Variants in MPND observed in about 807,000 individuals in gnomAD.
MPND encodes the protein MPN domain-containing protein.
Under a neutral mutation model 59.2 loss-of-function variants are expected in MPND, and 56 were observed. The ratio of observed to expected loss-of-function variants is 0.95; its 90% CI spans 0.76 to 1.18. The LOEUF (loss-of-function observed/expected upper bound fraction) is 1.18. Ranked by LOEUF, MPND falls within the 50% of genes most tolerant of loss-of-function variation. The pLI is 0.00. For missense variants in MPND, 671 were observed against 676.0 expected (o/e 0.99, Z 0.08); for synonymous variants, 323 against 291.9 (o/e 1.11, Z -1.09).
Position 4,357,247 on chromosome 19 carries a change from C to A in MPND, c.997-6C>A. The A allele has an allele frequency of 6.3e-7, 1 of 1,588,570 alleles. No individual in the cohort carries two copies. On this transcript the variant is annotated splice_polypyrimidine_tract_variant and splice_region_variant and intron_variant, in intron 8 of 12. Transcript: ENST00000599840. ...TGTGCCCGCTGAGCTGCGCCTCTGT[C>A]CCCAGATCTACCAGAGCCTGTTCCT...
intron 11 of MPND, chr19:4,358,477 G>C (rs1236607682): frequency 1.1e-5 from 4 of 380,700 alleles, no homozygotes; most frequent in Non-Finnish European, 1.9e-5. Context: ...AAAATTGTGT[G>C]TTCAACATGC....
At position 4,344,735 on chromosome 19, in the gene MPND, C is replaced by CTT. The variant is rs369442146; in HGVS notation, c.294+761_294+762dup. ...ACTTTATCTGTGGTAGGTATTAGTA[C>CTT]TTTTTTTTTTTTTTTTTTTTTGAGA... On this transcript the variant is annotated intron_variant, in intron 2 of 12. Transcript: ENST00000599840. Among the ~76,000 whole-genome samples, 58 of 126,954 alleles carry CTT rather than the reference C, an allele frequency of 4.6e-4. 1 individual carries two copies. Among genetic ancestry groups the CTT allele is most frequent in the African/African-American group, 7.0e-4 (23 of 33,036 alleles). The allele number at this position is 126,954 out of a possible 152,430, so 83.3% of individuals were successfully genotyped here.
In MPND at chr19:4,355,849, C is replaced by T. The variant is rs553410069; in HGVS notation, c.996+676C>T. ...CTGGGATTACAGGTGTGAGCCACTG[C>T]GCCCGGCCTTTTTTTTTTTTTTCTT... On this transcript the variant is annotated intron_variant, in intron 8 of 12. Transcript: ENST00000599840. Among the ~76,000 whole-genome samples the T allele has an allele frequency of 2.3e-4, 30 of 132,162 alleles. No individual in the cohort carries two copies. The East Asian group carries it at 3.8e-3, about 17-fold the overall frequency. The allele number at this position is 132,162 out of a possible 152,430, so 86.7% of individuals were successfully genotyped here.
intron 11 of MPND, 113 bp from the exon 12 acceptor site, chr19:4,359,050 T>G (rs539376262): frequency 1.2e-5 from 8 of 685,144 alleles, no homozygotes; most frequent in South Asian, 6.5e-5. Context: ...GTGGTTGGTT[T>G]GTTAGTGATG....
At position 4,343,851 on chromosome 19, in the gene MPND, G is replaced by A. The variant is rs1232664259; in HGVS notation, c.151G>A (p.Gly51Arg). ...TGGCGGCGGCGGCAGTAGCGTCAGC[G>A]GAGGAGGCGGCGGCGGCGGGGCCGG... ...RSGGGGSSVS[G>R]GGGGGGAGAG... The change falls in exon 2 of 13, where the codon GGA (glycine) becomes AGA (arginine). Residue 51 changes from glycine (G) to arginine (R), a missense_variant. Gly to Arg is a moderately radical substitution (Grantham distance 125). Transcript: ENST00000599840. 2 of 1,215,272 alleles carry A rather than the reference G, an allele frequency of 1.6e-6. No individual in the cohort carries two copies. Among genetic ancestry groups the A allele is most frequent in the Non-Finnish European group, 2.0e-6 (2 of 980,552 alleles). 75.3% of individuals were successfully genotyped at this position (1,215,272 alleles called of 1,614,324 possible). A position where few individuals can be genotyped will look rare whatever the true frequency, so the allele number is the denominator to read the frequency against.
At chr19:4,357,174 G>C in intron 8 of MPND, 79 bp from the exon 9 acceptor site, 5 of 1,460,058 alleles carry the variant, frequency 3.4e-6, no homozygotes, top group Non-Finnish European at 3.6e-6. Flanking sequence ...GCAGGAATTC[G>C]TTCAGGGCTG....
chr19:4,357,506 T>C lies in MPND; in HGVS notation c.1166-9T>C, dbSNP rs753207721. The stretch of plus-strand genomic sequence containing the variant: ...CCCAGGGCCAACCCCTCTCCCTCTC[T>C]CCCGCCAGCCCCTTACTATTCTGGC... On this transcript the variant is annotated splice_polypyrimidine_tract_variant and intron_variant, in intron 9 of 12. Coordinates refer to ENST00000599840, the MANE Select transcript of MPND (RefSeq NM_001300862.2). 56 of 1,612,500 alleles carry C rather than the reference T, an allele frequency of 3.5e-5. No individual in the cohort carries two copies. The Middle Eastern group carries it at 8.2e-4, about 24-fold the overall frequency.
At position 4,357,559 on chromosome 19, in the gene MPND, C is replaced by A. The variant is rs761217908; in HGVS notation, c.1210C>A (p.Pro404Thr). ...CCCAGGCCCCGAGTCCAAGATCTCA[C>A]CTTTCTGGGTGATGCCTCCTCCCGA... ...GNPGPESKISPFWVMPPPEQR... is the reference protein window; with the variant it reads ...GNPGPESKISTFWVMPPPEQR... The change falls in exon 10 of 13, where the codon CCT (proline) becomes ACT (threonine). Residue 404 changes from proline to threonine, a missense_variant. By Grantham distance (38) the Pro-to-Thr change is conservative. Coordinates refer to ENST00000599840, the MANE Select transcript of MPND (RefSeq NM_001300862.2). 6.2e-7 allele frequency: 1 copy of A among 1,613,112 alleles called. No individual in the cohort carries two copies. The highest frequency in any genetic ancestry group is 1.7e-5 in the Admixed American group (1 of 59,902).
At chr19:4,355,049 G>A (rs760970461) in intron 7 of MPND, 28 bp downstream of exon 7, 9 of 1,610,684 alleles carry the variant, frequency 5.6e-6, no homozygotes, top group Non-Finnish European at 7.6e-6. Context: ...GGTGGGCGGG[G>A]GCGTTGGAGG....
In MPND at chr19:4,357,289, G is replaced by A; in HGVS notation, c.1033G>A (p.Val345Met). ...QSLFLRGLSLVGWYHSHPHSP... is the reference protein window; with the variant it reads ...QSLFLRGLSLMGWYHSHPHSP... The stretch of plus-strand genomic sequence containing the variant: ...CCTGTTCCTGCGGGGCCTGTCCCTG[G>A]TGGGCTGGTACCACAGCCACCCACA... Residue 345 changes from valine to methionine, a missense_variant, in exon 9 of 13, where the codon GTG becomes ATG. By Grantham distance (21) the Val-to-Met change is conservative. Transcript: ENST00000599840. The A allele has an allele frequency of 6.2e-7, 1 of 1,612,128 alleles. No individual in the cohort carries two copies. The highest frequency in any genetic ancestry group is 8.5e-7 in the Non-Finnish European group (1 of 1,179,314).
intron 2 of MPND, among the ~76,000 whole-genome samples, chr19:4,345,398 C>G (rs1972164210): frequency 6.6e-6 from 1 of 152,172 alleles, no homozygotes; most frequent in Non-Finnish European, 1.5e-5. Flanking sequence ...TGAATGGTAG[C>G]ACATTATTCC....
chr19:4,349,536 G>A (rs1972267228), intron 3 of MPND, among the ~76,000 whole-genome samples: 1 of 151,306 alleles, frequency 6.6e-6, no homozygotes, highest in Non-Finnish European at 1.5e-5. Flanking sequence ...TTGAGATGGA[G>A]TGTCGCTCTT....
rs372046727 is a variant in MPND at position 4,359,970 on chromosome 19, C to T, written c.1474C>T (p.Gln492Ter). Residue 492 changes from glutamine (Q) to a stop codon, truncating the protein, a stop_gained, in exon 13 of 13, where the codon CAG becomes TAG. Coordinates refer to ENST00000599840, the MANE Select transcript of MPND (RefSeq NM_001300862.2). LOFTEE classifies it high-confidence loss of function. ...KDQSLCHVLE[Q>*]VCGVLKQGS ...CCAGAGCCTGTGTCACGTCCTGGAA[C>T]AGGTGTGCGGCGTCCTCAAGCAGGG... 1 of 1,572,526 alleles carries T rather than the reference C, an allele frequency of 6.4e-7. No individual in the cohort carries two copies. The highest frequency in any genetic ancestry group is 8.6e-7 in the Non-Finnish European group (1 of 1,158,512).
intron 3 of MPND, 63 bp from the exon 4 acceptor site, chr19:4,352,834 C>A: frequency 1.6e-6 from 2 of 1,274,200 alleles, no homozygotes; most frequent in Admixed American, 3.7e-5. Flanking sequence ...TGGGATTTAG[C>A]AGGGAGCGGG....
At chr19:4,351,861 C>CAAAAAAAAAAAAAAA (rs1217874445) in intron 3 of MPND, among the ~76,000 whole-genome samples, 2 of 51,392 alleles carry the variant, frequency 3.9e-5, no homozygotes, top group Admixed American at 2.4e-4. Context: ...GACTCTGTCT[C>CAAAAAAAAAAAAAAA]AAAAAAAAAA....
Position 4,357,599 on chromosome 19 carries a change from T to A in MPND, c.1236+14T>A. On this transcript the variant is annotated intron_variant, in intron 10 of 12. Transcript: ENST00000599840. The stretch of plus-strand genomic sequence containing the variant: ...CCTCCTCCCGAGGTAGGTGGGGCTG[T>A]TGGGAGAGCCTGGGGGGCCCGGGAG... 6.2e-7 allele frequency: 1 copy of A among 1,603,332 alleles called. No individual in the cohort carries two copies. Among genetic ancestry groups the A allele is most frequent in the East Asian group, 2.2e-5 (1 of 44,672 alleles).
At chr19:4,347,556 C>T (rs8108076) in intron 3 of MPND, among the ~76,000 whole-genome samples, 80,121 of 151,938 alleles carry the variant, frequency 0.53, 22,710 homozygotes, top group African/African-American at 0.75. Context: ...GATATGTTTT[C>T]ATAAACTTTT....
rs1175340550 is a variant in MPND at position 4,345,822 on chromosome 19, C to G, written c.372C>G (p.Pro124=). 6.2e-7 allele frequency: 1 copy of G among 1,614,020 alleles called. No individual in the cohort carries two copies. The highest frequency in any genetic ancestry group is 2.2e-5 in the East Asian group (1 of 44,894). The part of the protein sequence containing the change: ...WQETGQTFNS[P]SAWATHCKKL... Reference sequence around the variant, plus strand: ...AGACCGGGCAGACCTTCAACTCACCCAGCGCCTGGGCCACCCACTGCAAGA... The same window carrying G: ...AGACCGGGCAGACCTTCAACTCACCGAGCGCCTGGGCCACCCACTGCAAGA... The change falls in exon 3 of 13, where the codon CCC becomes CCG. Residue 124 remains proline, a synonymous_variant. Transcript: ENST00000599840.
chr19:4,347,769 G>A lies in MPND; in HGVS notation c.531+1788G>A, dbSNP rs1462669606. On this transcript the variant is annotated intron_variant, in intron 3 of 12. Coordinates refer to ENST00000599840, the MANE Select transcript of MPND (RefSeq NM_001300862.2). ...AAAACCCATGAACCTGCCCGACGCA[G>A]TGGCAAAAAAACCCTTGACCCTTCA... is the stretch of plus-strand genomic sequence containing the variant. 5.0e-6 allele frequency: 3 copies of A among 602,792 alleles called. No homozygotes were observed. The African/African-American group carries it at 5.8e-5, about 12-fold the overall frequency. 37.3% of individuals were successfully genotyped at this position (602,792 alleles called of 1,614,324 possible).
Sources: gnomAD v4.1 joint callset for allele counts (sites outside exome capture counted in the v4.1 genomes callset) on GRCh38, gnomAD v4.1.1 for gene constraint, MANE v1.5 for transcripts, NCBI Gene and HGNC (gene_info 2026-07-23, HGNC 2026-07-21) for gene names.